The following C8orf34 variants were observed in gnomAD, a reference collection of about 807,000 sequenced individuals.
The protein encoded by C8orf34 is uncharacterized protein C8orf34.
A neutral mutation model predicts 68.3 loss-of-function variants in C8orf34; 65 were observed. The observed-to-expected ratio is 0.95, with a 90% CI of 0.78 to 1.17. The LOEUF (loss-of-function observed/expected upper bound fraction) is 1.17, where lower values mean the gene tolerates loss of function less well. Among genes scored for constraint, C8orf34 ranks in the 50% most tolerant of loss-of-function variants. The pLI is 0.00. For missense variants in C8orf34, 664 were observed against 655.4 expected, an observed-to-expected ratio of 1.01 and a Z score of -0.14; for synonymous variants, 244 against 241.2, an observed-to-expected ratio of 1.01 and a Z score of -0.11.
At chr8:68,358,889 G>A (rs538198157) in intron 1 of C8orf34, among the ~76,000 whole-genome samples, 13 of 151,916 alleles carry the variant, frequency 8.6e-5, no homozygotes, top group South Asian at 6.3e-4. Context: ...GGAGAGGCAC[G>A]GTTTCACTGT....
chr8:68,727,575 T>C (rs2129526715), intron 10 of C8orf34, among the ~76,000 whole-genome samples: 1 of 152,366 alleles, frequency 6.6e-6, no homozygotes, highest in African/African-American at 2.4e-5. Context: ...GCAGAGGTTC[T>C]CCATACAGGC....
chr8:68,741,820 T>C (rs1468850416), intron 10 of C8orf34, among the ~76,000 whole-genome samples: 1 of 152,224 alleles, frequency 6.6e-6, no homozygotes, highest in East Asian at 1.9e-4. Flanking sequence ...TTTGTATAGA[T>C]GAATAGTACT....
In C8orf34 at chr8:68,610,861, G is replaced by GTTTTTTTT. The variant is rs60113883; in HGVS notation, c.1106-29502_1106-29495dup. 4.6e-3 allele frequency among the ~76,000 whole-genome samples: 551 copies of GTTTTTTTT among 120,348 alleles called. 30 individuals are homozygous for GTTTTTTTT. The highest frequency in any genetic ancestry group is 0.018 in the African/African-American group (526 of 28,774). The allele number at this position is 120,348 out of a possible 152,430, so 79.0% of individuals were successfully genotyped here. A position where few individuals can be genotyped will look rare whatever the true frequency, so the allele number is the denominator to read the frequency against. On this transcript the variant is annotated intron_variant, in intron 7 of 13. Transcript: ENST00000518698. ...GTTTTCTGGTTACAGTGAATCTTTG[G>GTTTTTTTT]TTTTTTTTTTTTTTTTTTTTGAGAC...
chr8:68,422,890 C>A (rs1810041417), intron 1 of C8orf34, among the ~76,000 whole-genome samples: 1 of 152,160 alleles, frequency 6.6e-6, no homozygotes, highest in Non-Finnish European at 1.5e-5. Context: ...TGGAAACTGC[C>A]AAGGCTTGGG....
chr8:68,653,896 G>T (rs1420757825), intron 8 of C8orf34, among the ~76,000 whole-genome samples: 2 of 151,976 alleles, frequency 1.3e-5, no homozygotes, highest in Non-Finnish European at 2.9e-5. Context: ...AGAAGGGCCT[G>T]ATTTTAAATA....
intron 8 of C8orf34, among the ~76,000 whole-genome samples, chr8:68,659,725 A>T (rs1819615877): frequency 1.3e-5 from 2 of 152,112 alleles, no homozygotes; most frequent in African/African-American, 4.8e-5. Flanking sequence ...GTTTTCTATT[A>T]GTTCAGTCCA....
chr8:68,671,397 T>G (rs1471845923), intron 8 of C8orf34, among the ~76,000 whole-genome samples: 1 of 152,178 alleles, frequency 6.6e-6, no homozygotes, highest in Admixed American at 6.5e-5. Flanking sequence ...TAGTTGCAAG[T>G]TACTGAGACG....
chr8:68,421,140 A>T (rs1809951864), intron 1 of C8orf34, among the ~76,000 whole-genome samples: 1 of 152,122 alleles, frequency 6.6e-6, no homozygotes, highest in African/African-American at 2.4e-5. Context: ...AACAAGACAA[A>T]ACTGTGTTTC....
chr8:68,406,793 C>T (rs532816149), intron 1 of C8orf34, among the ~76,000 whole-genome samples: 120 of 152,308 alleles, frequency 7.9e-4, no homozygotes, highest in African/African-American at 2.7e-3. Flanking sequence ...CCACGTCCGA[C>T]CTAGACCAGT....
At chr8:68,387,658 C>A (rs1808315546) in intron 1 of C8orf34, among the ~76,000 whole-genome samples, 1 of 152,002 alleles carries the variant, frequency 6.6e-6, no homozygotes, top group African/African-American at 2.4e-5. Flanking sequence ...TCCTTCATAG[C>A]ACTGTGTGTC....
At chr8:68,475,721 T>C (rs574400585) in intron 4 of C8orf34, among the ~76,000 whole-genome samples, 9 of 152,326 alleles carry the variant, frequency 5.9e-5, no homozygotes, top group African/African-American at 2.2e-4. Flanking sequence ...TTTCATGCAA[T>C]TGGCCAACAA....
intron 1 of C8orf34, among the ~76,000 whole-genome samples, chr8:68,436,683 A>C (rs1810682823): frequency 6.6e-6 from 1 of 152,128 alleles, no homozygotes; most frequent in African/African-American, 2.4e-5. Context: ...TATGTACCTG[A>C]AACTGACTTG....
chr8:68,486,844 T>C (rs183192668), intron 4 of C8orf34, among the ~76,000 whole-genome samples: 8 of 152,168 alleles, frequency 5.3e-5, no homozygotes, highest in African/African-American at 1.9e-4. Flanking sequence ...TCAATTCCTA[T>C]TCTTATTTTC....
At chr8:68,388,753 A>G (rs1237703482) in intron 1 of C8orf34, among the ~76,000 whole-genome samples, 3 of 152,186 alleles carry the variant, frequency 2.0e-5, no homozygotes, top group Non-Finnish European at 4.4e-5. Flanking sequence ...AAGCCATGTT[A>G]TAGAGGGGTA....
At chr8:68,466,671 G>C (rs2129629697) in intron 3 of C8orf34, among the ~76,000 whole-genome samples, 1 of 149,332 alleles carries the variant, frequency 6.7e-6, no homozygotes, top group Admixed American at 6.7e-5. Flanking sequence ...ACAGGGTTTT[G>C]CGGCCATGAA....
intron 7 of C8orf34, chr8:68,535,939 TCAAATATTTTAGTA>T (rs1254444226): frequency 1.2e-6 from 1 of 865,858 alleles, no homozygotes; most frequent in African/African-American, 1.8e-5. Context: ...TAAGATATTT[TCAAATATTTTAGTA>T]CAAATATTTT....
intron 8 of C8orf34, among the ~76,000 whole-genome samples, chr8:68,703,957 A>G (rs998973034): frequency 6.6e-6 from 1 of 152,190 alleles, no homozygotes; most frequent in Admixed American, 6.5e-5. Context: ...TTATAAGTAT[A>G]CTATAGTATT....
intron 7 of C8orf34, among the ~76,000 whole-genome samples, chr8:68,573,867 T>C (rs1388617757): frequency 6.6e-6 from 1 of 152,184 alleles, no homozygotes; most frequent in Admixed American, 6.6e-5. Context: ...CAAAAGTACA[T>C]CTCATGAAAT....
intron 5 of C8orf34, among the ~76,000 whole-genome samples, chr8:68,500,398 G>A (rs1813714296): frequency 6.6e-6 from 1 of 152,182 alleles, no homozygotes; most frequent in Admixed American, 6.5e-5. Flanking sequence ...TAAAATGACA[G>A]TTGAATGCCA....
Sources: allele counts gnomAD v4.1 joint callset (sites outside exome capture counted in the v4.1 genomes callset), GRCh38; gene constraint gnomAD v4.1.1; transcripts MANE v1.5; gene names NCBI Gene and HGNC (gene_info 2026-07-23, HGNC 2026-07-21).